RHNO1: variants seen among roughly 807,000 people sequenced by gnomAD.
The protein encoded by RHNO1 is RAD9-HUS1-RAD1 interacting nuclear orphan 1.
A neutral mutation model predicts 7.2 loss-of-function variants in RHNO1; 9 were observed. The observed-to-expected ratio is 1.25, with a 90% CI of 0.75 to 2.18. The LOEUF is 2.18. RHNO1 is among the 30% of genes most tolerant of loss of function. The pLI, the probability that RHNO1 is intolerant of heterozygous loss-of-function variation, is 0.00. For synonymous variants in RHNO1, 95 were observed against 107.5 expected, an observed-to-expected ratio of 0.88 and a Z score of 0.72; for missense variants, 292 against 284.5, an observed-to-expected ratio of 1.03 and a Z score of -0.19.
At chr12:2,877,103 G>T (rs567082850), upstream of RHNO1, 2 of 152,280 alleles carry the variant, frequency 1.3e-5, no homozygotes, top group East Asian at 3.9e-4. Context: ...CCCGGGCCGG[G>T]GCCGGGGGTG....
chr12:2,882,903 A>G (rs2098159865), intron 1 of RHNO1, among the ~76,000 whole-genome samples: 2 of 151,942 alleles, frequency 1.3e-5, no homozygotes, highest in Admixed American at 1.3e-4. Flanking sequence ...CTCTATAAAA[A>G]ATGTTTCAAA....
Position 2,885,207 on chromosome 12 carries a change from T to C in RHNO1, c.-84-76T>C, listed in dbSNP as rs534667658. ...CAAAGCCTTGAAGTTTATGGTAGAA[T>C]TGGCTGGCAGAGGATCAGGAAGAAC... On this transcript the variant is annotated intron_variant, in intron 1 of 2. Coordinates refer to ENST00000489288, the MANE Select transcript of RHNO1 (RefSeq NM_001252499.3). 74 of 657,574 alleles carry C rather than the reference T, an allele frequency of 1.1e-4. No homozygotes were observed. In the South Asian group the frequency reaches 1.5e-3, roughly 13 times the overall value. 40.7% of individuals were successfully genotyped at this position (657,574 alleles called of 1,614,324 possible). A position where few individuals can be genotyped will look rare whatever the true frequency, so the allele number is the denominator to read the frequency against.
intron 1 of RHNO1, among the ~76,000 whole-genome samples, chr12:2,882,099 T>C (rs993186360): frequency 6.6e-5 from 10 of 151,792 alleles, no homozygotes; most frequent in African/African-American, 2.2e-4. Flanking sequence ...CCTCTCTACC[T>C]ATTGCATTCA....
At chr12:2,879,923 G>C (rs1215272570) in intron 1 of RHNO1, among the ~76,000 whole-genome samples, 3 of 152,072 alleles carry the variant, frequency 2.0e-5, no homozygotes, top group Admixed American at 2.0e-4. Context: ...TTGTATATTT[G>C]CTTTCTGGAA....
chr12:2,885,361 C>T lies in RHNO1; in HGVS notation c.-6C>T, dbSNP rs1371622339. 5.6e-6 allele frequency: 9 copies of T among 1,598,420 alleles called. No individual in the cohort carries two copies. In the East Asian group the frequency reaches 1.1e-4, roughly 20 times the overall value. ...TGGTTACTAACTGTTCCTCATTCAC[C>T]GGTTGATGCCTCCCAGAAAAAAACG... On this transcript the variant is annotated 5_prime_UTR_variant, in exon 2 of 3. Coordinates refer to ENST00000489288, the MANE Select transcript of RHNO1 (RefSeq NM_001252499.3).
Position 2,889,285 on chromosome 12 carries a change from G to A in RHNO1, c.*826G>A, listed in dbSNP as rs1346553335. On this transcript the variant is annotated 3_prime_UTR_variant, in exon 3 of 3. Coordinates refer to ENST00000489288, the MANE Select transcript of RHNO1 (RefSeq NM_001252499.3). ...GAGGGGAGATAAGGGGGACATAGAT[G>A]AGTTCTTTAGGATTGCGTGTGTTTT... 7 of 152,182 alleles carry A rather than the reference G, an allele frequency of 4.6e-5. No individual in the cohort carries two copies. The highest frequency in any genetic ancestry group is 4.6e-4 in the Admixed American group (7 of 15,256). The allele number at this position is 152,182 out of a possible 1,614,324, so 9.4% of individuals were successfully genotyped here. A position where few individuals can be genotyped will look rare whatever the true frequency, so the allele number is the denominator to read the frequency against.
chr12:2,884,735 A>G (rs926946989), intron 1 of RHNO1, among the ~76,000 whole-genome samples: 1 of 151,774 alleles, frequency 6.6e-6, no homozygotes, highest in African/African-American at 2.4e-5. Flanking sequence ...TTATCTTCTC[A>G]TACTGTGTCC....
chr12:2,879,931 G>A (rs1246131422), intron 1 of RHNO1, among the ~76,000 whole-genome samples: 1 of 152,046 alleles, frequency 6.6e-6, no homozygotes, highest in Non-Finnish European at 1.5e-5. Context: ...TTGCTTTCTG[G>A]AAAATGAGAG....
chr12:2,885,754 T>G (rs2098164869), intron 2 of RHNO1: 1 of 425,548 alleles, frequency 2.3e-6, no homozygotes, highest in East Asian at 4.2e-5. Flanking sequence ...TTTTTGTATT[T>G]TCAGTAGAGA....
At chr12:2,885,191 G>A (rs1398552390) in intron 1 of RHNO1, 92 bp from the exon 2 acceptor site, 1 of 604,378 alleles carries the variant, frequency 1.7e-6, no homozygotes, top group East Asian at 2.9e-5. Flanking sequence ...CCAAAGCCTT[G>A]AAGTTTATGG....
At chr12:2,886,402 G>C (rs1480495098) in intron 2 of RHNO1, 2 of 152,614 alleles carry the variant, frequency 1.3e-5, no homozygotes, top group African/African-American at 4.8e-5. Flanking sequence ...TGTAATCCTA[G>C]AACTTTGGGA....
chr12:2,881,842 T>C (rs1289837034), intron 1 of RHNO1, among the ~76,000 whole-genome samples: 1 of 151,122 alleles, frequency 6.6e-6, no homozygotes, highest in African/African-American at 2.4e-5. Flanking sequence ...GAGGTAGAGG[T>C]TGTGGTGAGC....
At chr12:2,881,840 GGTT>G (rs2098158139) in intron 1 of RHNO1, among the ~76,000 whole-genome samples, 1 of 151,592 alleles carries the variant, frequency 6.6e-6, no homozygotes, top group Non-Finnish European at 1.5e-5. Context: ...AGGAGGTAGA[GGTT>G]GTGGTGAGCC....
At position 2,882,604 on chromosome 12, in the gene RHNO1, G is replaced by A. The variant is rs562446795; in HGVS notation, c.-84-2679G>A. Among the ~76,000 whole-genome samples the A allele has an allele frequency of 2.3e-4, 34 of 151,074 alleles. No homozygotes were observed. The South Asian group carries it at 6.6e-3, about 29-fold the overall frequency. On this transcript the variant is annotated intron_variant, in intron 1 of 2. Transcript: ENST00000489288. ...TGTAATCTAACCTACTGGGGAGGCTGAGGGTGGAGAATTTCTTGAACTCGG... is the reference window on the plus strand; with the variant it reads ...TGTAATCTAACCTACTGGGGAGGCTAAGGGTGGAGAATTTCTTGAACTCGG...
chr12:2,878,986 A>C (rs2098153558), intron 1 of RHNO1, among the ~76,000 whole-genome samples: 1 of 150,876 alleles, frequency 6.6e-6, no homozygotes, highest in African/African-American at 2.4e-5. Flanking sequence ...TTTTAATTAT[A>C]TATTTATTTT....
rs766238551 is a variant in RHNO1, at chr12:2,888,011, A to G, written c.269A>G (p.Lys90Arg). 64 of 1,613,868 alleles carry G rather than the reference A, an allele frequency of 4.0e-5. No individual in the cohort carries two copies. The South Asian group carries it at 6.8e-4, about 17-fold the overall frequency. Residue 90 changes from lysine to arginine, a missense_variant, in exon 3 of 3, where the codon AAG (lysine) becomes AGG (arginine). By Grantham distance (26) the Lys-to-Arg change is conservative (BLOSUM62 2). Transcript: ENST00000489288. ...RHSSRKPTTSKFPHLTFESPQ... is the reference protein window; with the variant it reads ...RHSSRKPTTSRFPHLTFESPQ... ...TCAAGTCGAAAACCTACCACCTCCA[A>G]GTTTCCACATCTAACTTTTGAGAGT... is the stretch of plus-strand genomic sequence containing the variant.
At position 2,888,465 on chromosome 12, in the gene RHNO1, A is replaced by G. The variant is rs534876158; in HGVS notation, c.*6A>G. 1.0e-5 allele frequency: 16 copies of G among 1,550,212 alleles called. No homozygotes were observed. Among genetic ancestry groups the G allele is most frequent in the Non-Finnish European group, 1.3e-5 (15 of 1,151,830 alleles). ...AATTCCTTGTGAAAAGCTGACTGCC[A>G]TCAGTAATCTCAATAGAAAAGAGAT... On this transcript the variant is annotated 3_prime_UTR_variant, in exon 3 of 3. Transcript: ENST00000489288.
chr12:2,884,432 G>A (rs2098162900), intron 1 of RHNO1, among the ~76,000 whole-genome samples: 1 of 152,228 alleles, frequency 6.6e-6, no homozygotes, highest in Non-Finnish European at 1.5e-5. Flanking sequence ...TTGCCATGTT[G>A]GCCAGGCTGG....
intron 1 of RHNO1, among the ~76,000 whole-genome samples, chr12:2,877,663 C>G (rs1466072067): frequency 6.6e-6 from 1 of 152,108 alleles, no homozygotes; most frequent in African/African-American, 2.4e-5. Context: ...GCACCATGAA[C>G]CCTACCTCAG....
Sources: gnomAD v4.1 joint callset for allele counts (sites outside exome capture counted in the v4.1 genomes callset) on GRCh38, gnomAD v4.1.1 for gene constraint, MANE v1.5 for transcripts, NCBI Gene and HGNC (gene_info 2026-07-23, HGNC 2026-07-21) for gene names.